The following PALMD variants were observed in gnomAD, a reference collection of about 807,000 sequenced individuals.
PALMD encodes paralemmin-like protein.
A neutral mutation model predicts 56.2 loss-of-function variants in PALMD; 42 were observed. That is an observed-to-expected ratio of 0.75 (90% CI 0.58 to 0.97). The LOEUF (loss-of-function observed/expected upper bound fraction) is 0.97, where lower values mean the gene tolerates loss of function less well. PALMD is among the 50% of genes least tolerant of loss of function. The pLI, the probability that PALMD is intolerant of heterozygous loss-of-function variation, is 0.00. For missense variants in PALMD, 660 were observed against 643.8 expected (o/e 1.03, Z -0.27); for synonymous variants, 242 against 222.9 (o/e 1.09, Z -0.76).
At chr1:99,656,695 A>G (rs964980809) in intron 1 of PALMD, among the ~76,000 whole-genome samples, 1 of 152,086 alleles carries the variant, frequency 6.6e-6, no homozygotes, top group Non-Finnish European at 1.5e-5. Context: ...AATGCCCACA[A>G]CCATGCTTTT....
At chr1:99,685,901 A>C (rs930655657) in intron 3 of PALMD, 1 of 152,158 alleles carries the variant, frequency 6.6e-6, no homozygotes, top group Non-Finnish European at 1.5e-5. Flanking sequence ...CCTGGAGTTC[A>C]TTTGAATCTG....
Position 99,694,128 on chromosome 1 carries a change from C to A in PALMD, c.*66C>A. 1 of 1,121,968 alleles carries A rather than the reference C, an allele frequency of 8.9e-7. No homozygotes were observed. The highest frequency in any genetic ancestry group is 1.3e-6 in the Non-Finnish European group (1 of 764,494). The allele number at this position is 1,121,968 out of a possible 1,614,324, so 69.5% of individuals were successfully genotyped here. A position where few individuals can be genotyped will look rare whatever the true frequency, so the allele number is the denominator to read the frequency against. On this transcript the variant is annotated 3_prime_UTR_variant, in exon 8 of 8. Transcript: ENST00000263174. The stretch of plus-strand genomic sequence containing the variant: ...TAAGAAGCATTTGCAAATTTCTCTT[C>A]TGGATATTTTGTTTATTTTTTCTGA...
At chr1:99,672,819 A>G (rs947341947) in intron 3 of PALMD, among the ~76,000 whole-genome samples, 1 of 152,236 alleles carries the variant, frequency 6.6e-6, no homozygotes, top group Non-Finnish European at 1.5e-5. Flanking sequence ...CCCTTTGGGA[A>G]GGATAAGCTA....
chr1:99,668,378 G>C (rs1653013808), intron 3 of PALMD: 1 of 152,214 alleles, frequency 6.6e-6, no homozygotes, highest in Non-Finnish European at 1.5e-5. Flanking sequence ...ATTTCCTGCA[G>C]AATGGTAGTA....
chr1:99,663,797 G>T (rs901126446), intron 2 of PALMD, among the ~76,000 whole-genome samples: 15 of 152,082 alleles, frequency 9.9e-5, no homozygotes, highest in Non-Finnish European at 2.1e-4. Flanking sequence ...AGTAAGTTTC[G>T]CATGAGAAGC....
intron 1 of PALMD, among the ~76,000 whole-genome samples, chr1:99,649,349 G>A (rs2100851546): frequency 6.6e-6 from 1 of 152,222 alleles, no homozygotes; most frequent in Non-Finnish European, 1.5e-5. Context: ...TGAACAAATA[G>A]CTGATCTTTC....
intron 4 of PALMD, 23 bp from the exon 5 acceptor site, chr1:99,686,907 T>C (rs780395760): frequency 1.3e-6 from 2 of 1,524,010 alleles, no homozygotes; most frequent in Non-Finnish European, 1.8e-6. Flanking sequence ...GTATTAATCA[T>C]GGAGAATTCT....
chr1:99,668,390 C>T (rs1653014125), intron 3 of PALMD: 1 of 152,232 alleles, frequency 6.6e-6, no homozygotes, highest in South Asian at 2.1e-4. Context: ...ATGGTAGTAA[C>T]AATGCCTAAC....
At chr1:99,662,277 C>G (rs757302139) in intron 1 of PALMD, 42 bp from the exon 2 acceptor site, 5 of 1,082,790 alleles carry the variant, frequency 4.6e-6, no homozygotes, top group Non-Finnish European at 7.0e-6. Flanking sequence ...CATAATTAAG[C>G]AAATTTTAAA....
chr1:99,672,125 A>G (rs1400891510), intron 3 of PALMD, among the ~76,000 whole-genome samples: 2 of 152,208 alleles, frequency 1.3e-5, no homozygotes, highest in Non-Finnish European at 2.9e-5. Flanking sequence ...ACCTTTAAGT[A>G]AAGCATATCT....
intron 1 of PALMD, among the ~76,000 whole-genome samples, chr1:99,646,694 G>A (rs1440134944): frequency 6.6e-6 from 1 of 152,102 alleles, no homozygotes; most frequent in African/African-American, 2.4e-5. Context: ...CCATTTGACT[G>A]GCATTAGATA....
chr1:99,671,390 C>G (rs937499095), intron 3 of PALMD, among the ~76,000 whole-genome samples: 1 of 152,130 alleles, frequency 6.6e-6, no homozygotes, highest in African/African-American at 2.4e-5. Flanking sequence ...TTTCTTTGAG[C>G]CTCAGTTTCC....
Position 99,664,791 on chromosome 1 carries a change from C to T in PALMD, c.126+2392C>T, listed in dbSNP as rs146037087. On this transcript the variant is annotated intron_variant, in intron 2 of 7. Coordinates refer to ENST00000263174, the MANE Select transcript of PALMD (RefSeq NM_017734.5). ...TCGTCCTAGTCTTCATGACTATCCT[C>T]TCCACTTTCCTGATTGCAAACTAGT... 1.7e-3 allele frequency among the ~76,000 whole-genome samples: 264 copies of T among 152,326 alleles called. 2 individuals are homozygous for T. The highest frequency in any genetic ancestry group is 0.01 in the East Asian group (53 of 5,180).
In PALMD at chr1:99,689,861, C is replaced by T. The variant is rs1653615412; in HGVS notation, c.1601C>T (p.Pro534Leu). 1.3e-6 allele frequency: 2 copies of T among 1,599,456 alleles called. No homozygotes were observed. The highest frequency in any genetic ancestry group is 2.2e-5 in the South Asian group (2 of 89,034). Residue 534 changes from proline to leucine, a missense_variant, in exon 7 of 8, where the codon CCA becomes CTA. Physicochemically the swap from Pro to Leu is moderately conservative, Grantham distance 98. Coordinates refer to ENST00000263174, the MANE Select transcript of PALMD (RefSeq NM_017734.5). ...ACAACTGGAGATGGGACTGAGGATC[C>T]ATCCTTAACAGGTAATAAAAATGAC... is the stretch of plus-strand genomic sequence containing the variant. Reference protein sequence around the residue: ...AQTTGDGTEDPSLTALRMRMA... With the variant: ...AQTTGDGTEDLSLTALRMRMA...
intron 1 of PALMD, among the ~76,000 whole-genome samples, chr1:99,653,057 C>T (rs1557666640): frequency 6.6e-6 from 1 of 152,152 alleles, no homozygotes; most frequent in Non-Finnish European, 1.5e-5. Context: ...ACTTCCTTTA[C>T]GTAGCCTCTT....
chr1:99,664,018 G>C lies in PALMD; in HGVS notation c.126+1619G>C, dbSNP rs75615303. 5.6e-3 allele frequency among the ~76,000 whole-genome samples: 853 copies of C among 152,270 alleles called. 4 individuals are homozygous for C. Among genetic ancestry groups the C allele is most frequent in the African/African-American group, 0.02 (816 of 41,568 alleles). ...TGTACTGCACAAAGGTACCTGAAAT[G>C]ATGGTGCTAAAATCTTGTCCACATT... is the stretch of plus-strand genomic sequence containing the variant. On this transcript the variant is annotated intron_variant, in intron 2 of 7. Coordinates refer to ENST00000263174, the MANE Select transcript of PALMD (RefSeq NM_017734.5).
chr1:99,656,749 A>G (rs1652733683), intron 1 of PALMD, among the ~76,000 whole-genome samples: 2 of 152,132 alleles, frequency 1.3e-5, no homozygotes, highest in African/African-American at 2.4e-5. Context: ...CAGGACTGAG[A>G]ATTAAGAAGA....
At chr1:99,672,454 T>A (rs965326730) in intron 3 of PALMD, among the ~76,000 whole-genome samples, 1 of 152,194 alleles carries the variant, frequency 6.6e-6, no homozygotes, top group Non-Finnish European at 1.5e-5. Context: ...CAAATATCCA[T>A]GTGCACAAAT....
chr1:99,691,862 G>C lies in PALMD; in HGVS notation c.1612+1990G>C, dbSNP rs570315753. 2.0e-5 allele frequency among the ~76,000 whole-genome samples: 3 copies of C among 152,118 alleles called. No homozygotes were observed. The East Asian group carries it at 5.8e-4, about 29-fold the overall frequency. ...AGAATTGTTAGTCTCTTTTCCCTTGGTATAAATATGGTTATCAATACCTTA... is the reference window on the plus strand; with the variant it reads ...AGAATTGTTAGTCTCTTTTCCCTTGCTATAAATATGGTTATCAATACCTTA... On this transcript the variant is annotated intron_variant, in intron 7 of 7. Coordinates refer to ENST00000263174, the MANE Select transcript of PALMD (RefSeq NM_017734.5).
Sources: allele counts gnomAD v4.1 joint callset (sites outside exome capture counted in the v4.1 genomes callset), GRCh38; gene constraint gnomAD v4.1.1; transcripts MANE v1.5; gene names NCBI Gene and HGNC (gene_info 2026-07-23, HGNC 2026-07-21).